The following TRIM5 variants were observed in gnomAD, a reference collection of about 807,000 sequenced individuals.
TRIM5 encodes the protein tripartite motif containing 5.
Under a neutral mutation model 35.6 loss-of-function variants are expected in TRIM5, and 31 were observed. That is an observed-to-expected ratio of 0.87 (90% confidence interval 0.65 to 1.18). TRIM5 has a LOEUF of 1.18. TRIM5 is among the 50% of genes most tolerant of loss of function. The pLI is 0.00. For missense variants in TRIM5, 609 were observed against 591.6 expected, an observed-to-expected ratio of 1.03 and a Z score of -0.31; for synonymous variants, 243 against 215.6, an observed-to-expected ratio of 1.13 and a Z score of -1.11.
the TRIM5 span, among the ~76,000 whole-genome samples, chr11:5,638,207 A>G: frequency 2.0e-5 from 3 of 152,240 alleles, no homozygotes; most frequent in Non-Finnish European, 4.4e-5. Flanking sequence ...TTTTTAGCAG[A>G]AAATAATATC....
the TRIM5 span, chr11:5,589,978 C>T: frequency 2.6e-5 from 4 of 155,120 alleles, no homozygotes; most frequent in African/African-American, 4.8e-5. Flanking sequence ...TGGGAGCAGG[C>T]GGCCTGCCCT....
chr11:5,665,004 G>A lies in TRIM5; in HGVS notation c.1287C>T (p.Leu429=), dbSNP rs748889321. The change falls in exon 8 of 8, where the codon CTC becomes CTT. Residue 429 remains leucine, a synonymous_variant. Coordinates refer to ENST00000380034, the MANE Select transcript of TRIM5 (RefSeq NM_033034.3). ...CACGATCAGGACAAATAATCACAGA[G>A]AGGGGCACAATGAAAGGAACAGAAG... ...HTPSVPFIVP[L]SVIICPDRVG... is the part of the protein sequence containing the mutation. 17 of 1,614,146 alleles carry A rather than the reference G, an allele frequency of 1.1e-5. No homozygotes were observed. Among genetic ancestry groups the A allele is most frequent in the Non-Finnish European group, 1.4e-5 (17 of 1,180,032 alleles).
the TRIM5 span, among the ~76,000 whole-genome samples, chr11:5,591,563 G>C: frequency 2.6e-5 from 4 of 152,148 alleles, no homozygotes; most frequent in South Asian, 8.3e-4. Context: ...CAGGAGAATC[G>C]CTTGAACCTG....
At chr11:5,667,561 T>C in intron 5 of TRIM5, 128 bp downstream of exon 5, 1 of 1,005,544 alleles carries the variant, frequency 9.9e-7, no homozygotes, top group Non-Finnish European at 1.5e-6. Context: ...CAGAAATTTA[T>C]GATAAAACAA....
chr11:5,656,250 A>G, the TRIM5 span, among the ~76,000 whole-genome samples: 3 of 152,186 alleles, frequency 2.0e-5, no homozygotes, highest in African/African-American at 7.2e-5. Flanking sequence ...TTTGCAATCT[A>G]TCTACCTGAC....
At chr11:5,671,142 C>A (rs1487633768) in intron 4 of TRIM5, among the ~76,000 whole-genome samples, 1 of 151,986 alleles carries the variant, frequency 6.6e-6, no homozygotes, top group Non-Finnish European at 1.5e-5. Context: ...GAGGGGATTG[C>A]TTGAGTTCAG....
At chr11:5,595,709 C>T in the TRIM5 span, among the ~76,000 whole-genome samples, 1 of 150,974 alleles carries the variant, frequency 6.6e-6, no homozygotes, top group Non-Finnish European at 1.5e-5. Flanking sequence ...GCGTTGCTAC[C>T]TTCAAAAATT....
At chr11:5,631,462 G>A in the TRIM5 span, among the ~76,000 whole-genome samples, 2 of 152,188 alleles carry the variant, frequency 1.3e-5, no homozygotes, top group African/African-American at 2.4e-5. Flanking sequence ...AAGAAAGGGA[G>A]TACTCTTATT....
At chr11:5,651,271 G>A in the TRIM5 span, among the ~76,000 whole-genome samples, 1 of 152,176 alleles carries the variant, frequency 6.6e-6, no homozygotes, top group African/African-American at 2.4e-5. Context: ...TTTAGGTTCA[G>A]GGGTACATGT....
chr11:5,634,303 T>C, the TRIM5 span, among the ~76,000 whole-genome samples: 1 of 152,062 alleles, frequency 6.6e-6, no homozygotes, highest in East Asian at 1.9e-4. Context: ...TTTTATATTT[T>C]GTCTCAGGGT....
chr11:5,602,265 CT>C, the TRIM5 span, among the ~76,000 whole-genome samples: 1 of 140,400 alleles, frequency 7.1e-6, no homozygotes, highest in South Asian at 2.2e-4. Flanking sequence ...ACAGTGAAAC[CT>C]CATCTCTACT....
chr11:5,665,318 G>A lies in TRIM5; in HGVS notation c.973C>T (p.Pro325Ser). 2 of 1,614,100 alleles carry A rather than the reference G, an allele frequency of 1.2e-6. No individual in the cohort carries two copies. Among genetic ancestry groups the A allele is most frequent in the Non-Finnish European group, 1.7e-6 (2 of 1,180,034 alleles). ...EDKRQVSSPKPQIIYGARGTR... is the reference protein window; with the variant it reads ...EDKRQVSSPKSQIIYGARGTR... ...CCTCGTGCCCCATATATTATCTGTGGTTTCGGAGAGCTCACTTGTCTCTTA... is the reference window on the plus strand; with the variant it reads ...CCTCGTGCCCCATATATTATCTGTGATTTCGGAGAGCTCACTTGTCTCTTA... The change falls in exon 8 of 8, where the codon CCA (proline) becomes TCA (serine). Residue 325 changes from proline (P) to serine (S), a missense_variant. Coordinates refer to ENST00000380034, the MANE Select transcript of TRIM5 (RefSeq NM_033034.3).
intron 1 of TRIM5, among the ~76,000 whole-genome samples, chr11:5,684,384 T>C (rs112514447): frequency 1.3e-5 from 2 of 149,108 alleles, no homozygotes; most frequent in African/African-American, 5.0e-5. Context: ...CCCATTATCT[T>C]TGTAACCAAT....
At chr11:5,601,447 T>A in the TRIM5 span, among the ~76,000 whole-genome samples, 2 of 152,172 alleles carry the variant, frequency 1.3e-5, no homozygotes, top group Non-Finnish European at 2.9e-5. Flanking sequence ...GGTTACAGAA[T>A]CATGAGTTGT....
At chr11:5,675,204 A>G (rs200357187) in intron 4 of TRIM5, among the ~76,000 whole-genome samples, 1 of 150,796 alleles carries the variant, frequency 6.6e-6, no homozygotes, top group Non-Finnish European at 1.5e-5. Context: ...AATTTTTTGT[A>G]TTATTTTTTT....
the TRIM5 span, chr11:5,643,840 T>C: frequency 8.0e-7 from 1 of 1,242,240 alleles, no homozygotes; most frequent in Non-Finnish European, 1.1e-6. Context: ...TTGAGATGTA[T>C]GGTGTATTTG....
the TRIM5 span, among the ~76,000 whole-genome samples, chr11:5,616,020 G>A: frequency 3.0e-4 from 44 of 145,300 alleles, no homozygotes; most frequent in African/African-American, 1.0e-3. Context: ...GCGCGATCTC[G>A]GCTCACTGCA....
intron 7 of TRIM5, 92 bp downstream of exon 7, chr11:5,665,564 T>C: frequency 6.3e-7 from 1 of 1,582,040 alleles, no homozygotes; most frequent in Non-Finnish European, 8.5e-7. Flanking sequence ...TCTTAAAACA[T>C]GAGCCTAATA....
the TRIM5 span, chr11:5,603,861 C>T: frequency 2.1e-6 from 3 of 1,443,806 alleles, no homozygotes; most frequent in Non-Finnish European, 2.7e-6. Context: ...TGGAAACTGC[C>T]TCCCTGATTA....
Sources: gnomAD v4.1 joint callset for allele counts (sites outside exome capture counted in the v4.1 genomes callset) on GRCh38, gnomAD v4.1.1 for gene constraint, MANE v1.5 for transcripts, NCBI Gene and HGNC (gene_info 2026-07-23, HGNC 2026-07-21) for gene names.